ASIC2: variants seen among roughly 807,000 people sequenced by gnomAD.
ASIC2 encodes the protein acid-sensing ion channel 2.
ASIC2 carries 25 observed loss-of-function variants against 57.3 expected under a neutral mutation model. The ratio of observed to expected loss-of-function variants is 0.44; its 90% CI spans 0.32 to 0.61. ASIC2 has a LOEUF of 0.61. Among genes scored for constraint, ASIC2 ranks in the 20% least tolerant of loss-of-function variants. The probability of loss-of-function intolerance (pLI) is 0.06; values close to 1 mark genes in which losing one functional copy is unlikely to be tolerated. For missense variants in ASIC2, 641 were observed against 738.1 expected (o/e 0.87, Z 1.52); for synonymous variants, 319 against 307.5 (o/e 1.04, Z -0.39).
intron 1 of ASIC2, among the ~76,000 whole-genome samples, chr17:33,126,223 C>A (rs767062718): frequency 6.6e-6 from 1 of 152,170 alleles, no homozygotes; most frequent in East Asian, 1.9e-4. Flanking sequence ...AGAGCACAGG[C>A]TTTTTTACTG....
At chr17:33,512,663 A>G (rs993167760) in intron 1 of ASIC2, among the ~76,000 whole-genome samples, 1 of 152,216 alleles carries the variant, frequency 6.6e-6, no homozygotes, top group African/African-American at 2.4e-5. Flanking sequence ...GCTAGGCCCA[A>G]GCTTGAAGCT....
chr17:33,911,398 G>A (rs996600887), intron 1 of ASIC2, among the ~76,000 whole-genome samples: 14 of 152,164 alleles, frequency 9.2e-5, no homozygotes, highest in African/African-American at 3.4e-4. Context: ...TGGGGACCAG[G>A]CAGCTTCCAG....
At chr17:33,435,793 G>A (rs1029899551) in intron 1 of ASIC2, among the ~76,000 whole-genome samples, 4 of 152,192 alleles carry the variant, frequency 2.6e-5, no homozygotes, top group Non-Finnish European at 5.9e-5. Context: ...AGCATGAAAG[G>A]AAAATGAACA....
At chr17:33,121,897 TCCCCA>T (rs999593738) in intron 1 of ASIC2, among the ~76,000 whole-genome samples, 3 of 152,108 alleles carry the variant, frequency 2.0e-5, no homozygotes, top group African/African-American at 7.2e-5. Flanking sequence ...CTCAGAGATC[TCCCCA>T]AGGCTGGCTC....
intron 1 of ASIC2, among the ~76,000 whole-genome samples, chr17:33,765,976 T>C (rs192591836): frequency 2.0e-4 from 31 of 152,314 alleles, no homozygotes; most frequent in African/African-American, 7.2e-4. Context: ...CCTGCTCTAG[T>C]AGGCCACCCT....
chr17:33,131,294 A>G (rs2142006897), intron 1 of ASIC2, among the ~76,000 whole-genome samples: 1 of 152,284 alleles, frequency 6.6e-6, no homozygotes, highest in African/African-American at 2.4e-5. Context: ...TATTGATAAA[A>G]TTTTAGGTTT....
chr17:33,904,041 T>C (rs1915288788), intron 1 of ASIC2, among the ~76,000 whole-genome samples: 1 of 151,326 alleles, frequency 6.6e-6, no homozygotes, highest in African/African-American at 2.4e-5. Flanking sequence ...TGCATGGCTG[T>C]AATTCCAGCT....
chr17:33,601,832 T>C (rs867875631), intron 1 of ASIC2, among the ~76,000 whole-genome samples: 7 of 152,246 alleles, frequency 4.6e-5, no homozygotes, highest in Non-Finnish European at 8.8e-5. Context: ...GTGCCCGGGA[T>C]GCAGGACATG....
intron 3 of ASIC2, among the ~76,000 whole-genome samples, chr17:33,076,357 C>T (rs2092089170): frequency 6.6e-6 from 1 of 152,232 alleles, no homozygotes; most frequent in African/African-American, 2.4e-5. Context: ...CTGGACCCCT[C>T]CTCCTTTATG....
chr17:33,516,700 G>T (rs986458053), intron 1 of ASIC2, among the ~76,000 whole-genome samples: 1 of 152,144 alleles, frequency 6.6e-6, no homozygotes, highest in Non-Finnish European at 1.5e-5. Flanking sequence ...CAGGGATTTG[G>T]CTTTATCTAT....
chr17:33,216,142 T>C (rs960378595), intron 1 of ASIC2, among the ~76,000 whole-genome samples: 1 of 152,248 alleles, frequency 6.6e-6, no homozygotes, highest in Non-Finnish European at 1.5e-5. Context: ...ACATGATAAT[T>C]TCAGGAGACA....
chr17:34,075,968 A>G (rs1330346738), intron 1 of ASIC2, among the ~76,000 whole-genome samples: 2 of 150,520 alleles, frequency 1.3e-5, no homozygotes, highest in African/African-American at 4.9e-5. Flanking sequence ...AGCTGGGATT[A>G]CAGGTGTGTG....
chr17:33,501,615 G>A (rs576024556), intron 1 of ASIC2, among the ~76,000 whole-genome samples: 10 of 152,300 alleles, frequency 6.6e-5, no homozygotes, highest in Non-Finnish European at 1.3e-4. Context: ...CGTCGAATCC[G>A]TGTTGGAAAC....
chr17:33,975,974 C>T (rs1332919367), intron 1 of ASIC2, among the ~76,000 whole-genome samples: 1 of 151,992 alleles, frequency 6.6e-6, no homozygotes, highest in Admixed American at 6.6e-5. Flanking sequence ...CACTGGATGG[C>T]CTCCTCAACT....
At chr17:33,227,066 C>T (rs1370277046) in intron 1 of ASIC2, among the ~76,000 whole-genome samples, 2 of 152,096 alleles carry the variant, frequency 1.3e-5, no homozygotes, top group Non-Finnish European at 2.9e-5. Flanking sequence ...ATTTAGAGCA[C>T]ATCTCAGTTA....
intron 1 of ASIC2, chr17:34,078,857 C>T (rs1909770677): frequency 6.6e-6 from 1 of 152,246 alleles, no homozygotes. Context: ...AGAGATTCTA[C>T]ATCATGGAGC....
intron 1 of ASIC2, among the ~76,000 whole-genome samples, chr17:33,303,122 G>A (rs1906024879): frequency 6.6e-6 from 1 of 152,218 alleles, no homozygotes; most frequent in African/African-American, 2.4e-5. Context: ...GTGCCACCCA[G>A]GTGGCAGAGC....
intron 1 of ASIC2, among the ~76,000 whole-genome samples, chr17:33,709,253 C>T (rs910260954): frequency 4.6e-5 from 7 of 152,190 alleles, no homozygotes; most frequent in African/African-American, 1.7e-4. Context: ...GTGTTATATG[C>T]CTCCTGCAGT....
At chr17:33,280,669 G>A (rs2142168310) in intron 1 of ASIC2, among the ~76,000 whole-genome samples, 1 of 152,334 alleles carries the variant, frequency 6.6e-6, no homozygotes, top group Admixed American at 6.5e-5. Flanking sequence ...CATGTGCAGG[G>A]AGCGTAAAGA....
Sources: allele counts gnomAD v4.1 joint callset (sites outside exome capture counted in the v4.1 genomes callset), GRCh38; gene constraint gnomAD v4.1.1; transcripts MANE v1.5; gene names NCBI Gene and HGNC (gene_info 2026-07-23, HGNC 2026-07-21).